The following FAM3B variants were observed in gnomAD, a reference collection of about 807,000 sequenced individuals.
The protein encoded by FAM3B is protein FAM3B.
A neutral mutation model predicts 28.4 loss-of-function variants in FAM3B; 29 were observed. The observed-to-expected ratio is 1.02, with a 90% CI of 0.76 to 1.39. The LOEUF is 1.39. Ranked by LOEUF, FAM3B falls within the 40% of genes most tolerant of loss-of-function variation. FAM3B has a pLI of 0.00. For synonymous variants in FAM3B, 91 were observed against 103.0 expected (o/e 0.88, Z 0.71); for missense variants, 266 against 293.9 (o/e 0.91, Z 0.69).
intron 2 of FAM3B, among the ~76,000 whole-genome samples, chr21:41,332,667 G>C (rs1279992154): frequency 3.3e-5 from 5 of 152,076 alleles, no homozygotes; most frequent in Admixed American, 1.3e-4. Context: ...TTTTTGATGA[G>C]AGACTTTTTA....
At chr21:41,322,601 A>G (rs1464930791) in intron 1 of FAM3B, 14 of 717,092 alleles carry the variant, frequency 2.0e-5, no homozygotes, top group African/African-American at 3.5e-5. Context: ...CACGTTGGGC[A>G]TGCTGGCTCA....
At chr21:41,323,958 C>G (rs1450441019) in intron 2 of FAM3B, among the ~76,000 whole-genome samples, 1 of 152,146 alleles carries the variant, frequency 6.6e-6, no homozygotes, top group Non-Finnish European at 1.5e-5. Context: ...AGTTCAAGAT[C>G]AAGGTACCCG....
upstream of FAM3B, among the ~76,000 whole-genome samples, chr21:41,314,798 G>T (rs914892272): frequency 6.6e-6 from 1 of 151,828 alleles, no homozygotes; most frequent in African/African-American, 2.4e-5. Context: ...AACATGCGTT[G>T]GTGAGGATGT....
At chr21:41,322,447 G>A (rs534639774) in intron 1 of FAM3B, 17 of 628,504 alleles carry the variant, frequency 2.7e-5, no homozygotes, top group African/African-American at 1.8e-4. Context: ...GCTGGGCATC[G>A]GCTACTATTC....
chr21:41,350,487 G>A (rs1476821078), intron 7 of FAM3B, among the ~76,000 whole-genome samples: 1 of 152,176 alleles, frequency 6.6e-6, no homozygotes, highest in Non-Finnish European at 1.5e-5. Flanking sequence ...TCTCAGAGTG[G>A]AGTCCTGTAA....
In FAM3B at chr21:41,326,329, G is replaced by C. The variant is rs1315488979; in HGVS notation, c.163+3263G>C. Among the ~76,000 whole-genome samples, 1 of 152,176 alleles carries C rather than the reference G, an allele frequency of 6.6e-6. No homozygotes were observed. The highest frequency in any genetic ancestry group is 1.9e-4 in the East Asian group (1 of 5,184). On this transcript the variant is annotated intron_variant, in intron 2 of 7. Coordinates refer to ENST00000357985, the MANE Select transcript of FAM3B (RefSeq NM_058186.4). The surrounding 1 kb of genome is among the most constrained non-coding windows in gnomAD (Gnocchi z 4.0). ...CACATTGTGCTTCTGGGAAACGGAT[G>C]GGGGACTCAGAAAGCTACTGACTCT...
In FAM3B at chr21:41,311,251, A is replaced by AAAT. The variant is rs1555866518; in HGVS notation, n.99+6942_99+6943insATA. Among the ~76,000 whole-genome samples the AAAT allele has an allele frequency of 1.2e-3, 41 of 35,054 alleles. 1 individual carries two copies. The highest frequency in any genetic ancestry group is 2.0e-3 in the East Asian group (1 of 488). The allele number at this position is 35,054 out of a possible 152,430, so 23.0% of individuals were successfully genotyped here. ...CCTGTCTCTACAAAAAAAAAAAAAA[A>AAAT]ATATATATATATATATATATATATA... On this transcript the variant is annotated intron_variant and non_coding_transcript_variant, in intron 1 of 9. Transcript: ENST00000479810.
At chr21:41,348,514 G>T in intron 6 of FAM3B, 78 bp from the exon 7 acceptor site, 1 of 1,563,390 alleles carries the variant, frequency 6.4e-7, no homozygotes, top group Admixed American at 1.7e-5. Context: ...GATGCACAGC[G>T]TAACACATCC....
At position 41,316,907 on chromosome 21, in the gene FAM3B, GC is replaced by G. The variant is rs763539476; in HGVS notation, c.19+14del. On this transcript the variant is annotated intron_variant, in intron 1 of 7. Coordinates refer to ENST00000357985, the MANE Select transcript of FAM3B (RefSeq NM_058186.4). ...GCGCCCATTGGCTGGTGGTGAGTGC[GC>G]CCCCGCCTCGGGGCGAGGGTAGGGG... The G allele has an allele frequency of 2.9e-6, 4 of 1,359,080 alleles. No homozygotes were observed. Among genetic ancestry groups the G allele is most frequent in the Admixed American group, 7.1e-5 (2 of 28,146 alleles). The allele number at this position is 1,359,080 out of a possible 1,614,324, so 84.2% of individuals were successfully genotyped here. A position where few individuals can be genotyped will look rare whatever the true frequency, so the allele number is the denominator to read the frequency against.
chr21:41,308,859 A>C (rs2088695683), intron 1 of FAM3B, among the ~76,000 whole-genome samples: 1 of 152,070 alleles, frequency 6.6e-6, no homozygotes, highest in Non-Finnish European at 1.5e-5. Flanking sequence ...AGGTCCCAGG[A>C]GTAGGGTTGG....
chr21:41,325,210 A>T (rs908268662), intron 2 of FAM3B, among the ~76,000 whole-genome samples: 1 of 152,262 alleles, frequency 6.6e-6, no homozygotes, highest in African/African-American at 2.4e-5. Context: ...ACACCCAGCC[A>T]TACTACCTTC....
At chr21:41,329,164 A>G (rs2088881965) in intron 2 of FAM3B, among the ~76,000 whole-genome samples, 1 of 152,210 alleles carries the variant, frequency 6.6e-6, no homozygotes, top group Non-Finnish European at 1.5e-5. Context: ...TCGTGTATAC[A>G]ATACAGTAGT....
chr21:41,315,034 C>T (rs2088738227), upstream of FAM3B, among the ~76,000 whole-genome samples: 1 of 152,104 alleles, frequency 6.6e-6, no homozygotes, highest in African/African-American at 2.4e-5. Context: ...AGAAGAAACC[C>T]AAGTGTCCGC....
chr21:41,334,526 TG>T (rs1316457719), intron 2 of FAM3B, among the ~76,000 whole-genome samples: 1 of 152,062 alleles, frequency 6.6e-6, no homozygotes, highest in Admixed American at 6.5e-5. Flanking sequence ...GCCATAAGCC[TG>T]GGGGGTATTC....
chr21:41,348,785 A>G, intron 7 of FAM3B, 61 bp downstream of exon 7: 1 of 1,593,612 alleles, frequency 6.3e-7, no homozygotes, highest in East Asian at 2.2e-5. Flanking sequence ...CTGTGCCTTG[A>G]AAACGTTCCT....
At position 41,326,087 on chromosome 21, in the gene FAM3B, G is replaced by A. The variant is rs542720522; in HGVS notation, c.163+3021G>A. Among the ~76,000 whole-genome samples the A allele has an allele frequency of 7.9e-5, 12 of 152,302 alleles. No individual in the cohort carries two copies. The East Asian group carries it at 1.5e-3, about 20-fold the overall frequency. On this transcript the variant is annotated intron_variant, in intron 2 of 7. Transcript: ENST00000357985. The surrounding 1 kb of genome is among the most constrained non-coding windows in gnomAD (Gnocchi z 4.0). The stretch of plus-strand genomic sequence containing the variant: ...AAACAGGAGACTAAATAGAAGGTCC[G>A]CCGTTCTCCCTGGCTAGGACACTGG...
At chr21:41,322,824 A>C in intron 1 of FAM3B, 99 bp from the exon 2 acceptor site, 1 of 1,591,758 alleles carries the variant, frequency 6.3e-7, no homozygotes, top group Non-Finnish European at 8.6e-7. Flanking sequence ...GTCCCCTGAC[A>C]CTGGGCCGGG....
intron 1 of FAM3B, among the ~76,000 whole-genome samples, chr21:41,311,498 T>G (rs1038149214): frequency 6.6e-6 from 1 of 151,322 alleles, no homozygotes; most frequent in Non-Finnish European, 1.5e-5. Flanking sequence ...TTTTAATATA[T>G]TAATTCACTT....
intron 7 of FAM3B, among the ~76,000 whole-genome samples, chr21:41,354,971 T>C (rs1343673880): frequency 6.6e-6 from 1 of 152,046 alleles, no homozygotes; most frequent in Non-Finnish European, 1.5e-5. Context: ...TACAACTCAA[T>C]AATAAAAAGA....
Sources: gnomAD v4.1 joint callset for allele counts (sites outside exome capture counted in the v4.1 genomes callset) on GRCh38, gnomAD v4.1.1 for gene constraint, Gnocchi (gnomAD v3.1) non-coding constraint, MANE v1.5 for transcripts, NCBI Gene and HGNC (gene_info 2026-07-23, HGNC 2026-07-21) for gene names.